The following SERGEF variants were observed in gnomAD, a reference collection of about 807,000 sequenced individuals.
SERGEF encodes the protein secretion regulating guanine nucleotide exchange factor.
Under a neutral mutation model 50.0 loss-of-function variants are expected in SERGEF, and 51 were observed. The ratio of observed to expected loss-of-function variants is 1.02; its 90% confidence interval spans 0.81 to 1.29. The LOEUF is 1.29. Ranked by LOEUF, SERGEF falls within the 50% of genes most tolerant of loss-of-function variation. The pLI is 0.00. For synonymous variants in SERGEF, 205 were observed against 212.4 expected (o/e 0.97, Z 0.30); for missense variants, 521 against 557.0 (o/e 0.94, Z 0.65).
chr11:17,918,516 C>A (rs749938863), intron 9 of SERGEF, among the ~76,000 whole-genome samples: 16 of 152,088 alleles, frequency 1.1e-4, no homozygotes, highest in Non-Finnish European at 1.6e-4. Flanking sequence ...TTCCCTCATT[C>A]AAAGATTTAC....
At chr11:17,812,052 C>T (rs1433142744) in intron 10 of SERGEF, among the ~76,000 whole-genome samples, 4 of 152,204 alleles carry the variant, frequency 2.6e-5, no homozygotes, top group Non-Finnish European at 5.9e-5. Context: ...CAAATGTGGT[C>T]CTGCCCCCCT....
intron 5 of SERGEF, 114 bp from the exon 6 acceptor site, chr11:17,996,023 G>C: frequency 1.3e-6 from 1 of 741,714 alleles, no homozygotes; most frequent in African/African-American, 1.7e-5. Context: ...GTTAATATGA[G>C]TGTTATGGAG....
At chr11:17,943,052 A>C (rs1487509058) in intron 9 of SERGEF, among the ~76,000 whole-genome samples, 2 of 151,742 alleles carry the variant, frequency 1.3e-5, no homozygotes, top group Non-Finnish European at 2.9e-5. Context: ...CTAATCAATA[A>C]TTTTCTTTTT....
At chr11:17,970,835 G>A (rs1853232887) in intron 8 of SERGEF, among the ~76,000 whole-genome samples, 2 of 152,156 alleles carry the variant, frequency 1.3e-5, no homozygotes, top group Admixed American at 1.3e-4. Context: ...GGAAGGCTAA[G>A]AGACGTGAGG....
chr11:17,788,550 T>C (rs957726074), intron 10 of SERGEF, 137 bp from the exon 11 acceptor site: 47 of 664,842 alleles, frequency 7.1e-5, no homozygotes, highest in Non-Finnish European at 5.7e-5. Flanking sequence ...CATGGCGGCA[T>C]CCTCCCCATC....
chr11:17,908,594 C>G lies in SERGEF; in HGVS notation c.1012-30350G>C, dbSNP rs187090860. 4.6e-5 allele frequency among the ~76,000 whole-genome samples: 7 copies of G among 152,328 alleles called. No homozygotes were observed. In the East Asian group the frequency reaches 1.3e-3, roughly 29 times the overall value. On this transcript the variant is annotated intron_variant, in intron 9 of 10. Transcript: ENST00000265965. ...TGTAAAGGGCTCCTGATTCCTTGAT[C>G]TCCTCAACCATATTTTAACATCTTG...
chr11:17,803,617 C>T (rs779755163), intron 10 of SERGEF, among the ~76,000 whole-genome samples: 9 of 152,208 alleles, frequency 5.9e-5, no homozygotes, highest in Non-Finnish European at 1.3e-4. Flanking sequence ...TCACGTGACA[C>T]ACGCTCACTG....
chr11:17,988,732 C>A lies in SERGEF; in HGVS notation c.709G>T (p.Gly237Ter), dbSNP rs769750085. Residue 237 changes from glycine to a stop codon, truncating the protein, a stop_gained, in exon 8 of 11, where the codon GGA becomes TGA. Transcript: ENST00000265965. LOFTEE classifies it high-confidence loss of function. ...LTDAGEVYVW[G>*]SNKHGQLANE... ...GCCAGTTGCCCATGCTTGTTGCTTC[C>A]CCAAACATACACCTCTCCTGCATCT... 13 of 1,613,956 alleles carry A rather than the reference C, an allele frequency of 8.1e-6. No individual in the cohort carries two copies. The highest frequency in any genetic ancestry group is 3.3e-4 in the Middle Eastern group (2 of 6,062).
intron 9 of SERGEF, among the ~76,000 whole-genome samples, chr11:17,930,461 A>G (rs1049417125): frequency 5.3e-5 from 8 of 152,162 alleles, no homozygotes; most frequent in African/African-American, 1.9e-4. Flanking sequence ...CCAAGGTACA[A>G]TACTAGGCCC....
intron 9 of SERGEF, among the ~76,000 whole-genome samples, chr11:17,937,539 A>AAAT (rs1423388359): frequency 2.0e-5 from 3 of 151,998 alleles, no homozygotes; most frequent in Non-Finnish European, 4.4e-5. Context: ...CTTCCCTCAA[A>AAAT]AATAATAATA....
intron 10 of SERGEF, chr11:17,863,684 T>A (rs1246595226): frequency 6.6e-6 from 1 of 152,260 alleles, no homozygotes; most frequent in African/African-American, 2.4e-5. Flanking sequence ...TAGCTCTCTT[T>A]CCCACTAAAT....
At chr11:17,822,623 A>G (rs992784782) in intron 10 of SERGEF, among the ~76,000 whole-genome samples, 1 of 152,188 alleles carries the variant, frequency 6.6e-6, no homozygotes, top group Non-Finnish European at 1.5e-5. Flanking sequence ...CATTTGAACA[A>G]TAACGTGTGA....
intron 9 of SERGEF, among the ~76,000 whole-genome samples, chr11:17,938,445 C>T (rs560215322): frequency 6.8e-4 from 103 of 152,280 alleles, no homozygotes; most frequent in African/African-American, 2.4e-3. Context: ...AGCAAGTTAT[C>T]AGCAAGCTAG....
chr11:17,967,816 GGGC>G (rs1853156742), intron 8 of SERGEF, among the ~76,000 whole-genome samples: 1 of 152,172 alleles, frequency 6.6e-6, no homozygotes, highest in Non-Finnish European at 1.5e-5. Flanking sequence ...CTGGGCCTTA[GGGC>G]CATGCTCTGC....
intron 2 of SERGEF, among the ~76,000 whole-genome samples, chr11:18,006,973 C>G (rs993266295): frequency 8.5e-5 from 13 of 152,326 alleles, no homozygotes; most frequent in African/African-American, 2.6e-4. Context: ...AGTGGTCAAT[C>G]AATCACCAAA....
At chr11:17,827,482 G>A (rs1476184592) in intron 10 of SERGEF, among the ~76,000 whole-genome samples, 1 of 152,216 alleles carries the variant, frequency 6.6e-6, no homozygotes, top group African/African-American at 2.4e-5. Context: ...TTAGAGTTCG[G>A]TGAGAAGGCT....
At chr11:17,951,524 A>G (rs767709857) in intron 9 of SERGEF, among the ~76,000 whole-genome samples, 6 of 152,182 alleles carry the variant, frequency 3.9e-5, no homozygotes, top group Non-Finnish European at 8.8e-5. Context: ...TACTGTCCCA[A>G]TACTTACTGA....
At chr11:17,879,759 G>A (rs891767114) in intron 9 of SERGEF, among the ~76,000 whole-genome samples, 2 of 152,116 alleles carry the variant, frequency 1.3e-5, no homozygotes, top group Non-Finnish European at 2.9e-5. Flanking sequence ...ACTATGTGAA[G>A]TAATATATGT....
chr11:17,812,558 C>G (rs1343378018), intron 10 of SERGEF, among the ~76,000 whole-genome samples: 1 of 152,132 alleles, frequency 6.6e-6, no homozygotes, highest in Admixed American at 6.5e-5. Context: ...GCACAGGGGC[C>G]AAGCAGGAAG....
Sources: gnomAD v4.1 joint callset for allele counts (sites outside exome capture counted in the v4.1 genomes callset) on GRCh38, gnomAD v4.1.1 for gene constraint, MANE v1.5 for transcripts, NCBI Gene and HGNC (gene_info 2026-07-23, HGNC 2026-07-21) for gene names.